Variants in ADGRL3 observed in about 807,000 individuals in gnomAD.
The protein encoded by ADGRL3 is adhesion G protein-coupled receptor L3, also known as calcium-independent alpha-latrotoxin receptor 3.
A neutral mutation model predicts 153.5 loss-of-function variants in ADGRL3; 62 were observed. That is an observed-to-expected ratio of 0.40 (90% CI 0.33 to 0.50). ADGRL3 has a LOEUF of 0.50. Among genes scored for constraint, ADGRL3 ranks in the 20% least tolerant of loss-of-function variants. ADGRL3 has a pLI of 0.47. For missense variants in ADGRL3, 1,641 were observed against 1,859.4 expected, an observed-to-expected ratio of 0.88 and a Z score of 2.16; for synonymous variants, 710 against 672.5, an observed-to-expected ratio of 1.06 and a Z score of -0.86.
intron 1 of ADGRL3, among the ~76,000 whole-genome samples, chr4:61,363,159 A>G (rs1460582968): frequency 2.0e-5 from 3 of 152,182 alleles, no homozygotes; most frequent in Non-Finnish European, 4.4e-5. Flanking sequence ...CTATTTAAGC[A>G]ATATCTTAGA....
chr4:61,776,939 T>G (rs527625525), intron 8 of ADGRL3, among the ~76,000 whole-genome samples: 1 of 152,212 alleles, frequency 6.6e-6, no homozygotes, highest in African/African-American at 2.4e-5. Context: ...TAAACATATA[T>G]AATGATCTGA....
intron 1 of ADGRL3, among the ~76,000 whole-genome samples, chr4:61,365,881 A>C (rs2096386020): frequency 6.6e-6 from 1 of 152,250 alleles, no homozygotes; most frequent in Non-Finnish European, 1.5e-5. Flanking sequence ...CACATGATGA[A>C]TATAAATTGA....
intron 8 of ADGRL3, among the ~76,000 whole-genome samples, chr4:61,804,957 TTA>T (rs1203386566): frequency 6.9e-6 from 1 of 145,350 alleles, no homozygotes; most frequent in African/African-American, 2.6e-5. Flanking sequence ...TTATTTTTAT[TTA>T]TTTATTTTTT....
intron 2 of ADGRL3, among the ~76,000 whole-genome samples, chr4:61,417,356 C>T (rs767844740): frequency 2.4e-4 from 36 of 151,902 alleles, no homozygotes; most frequent in Admixed American, 5.2e-4. Context: ...CATGGTGGTG[C>T]GTATCTGTGG....
At chr4:61,688,746 T>G (rs2095490200) in intron 6 of ADGRL3, among the ~76,000 whole-genome samples, 1 of 152,128 alleles carries the variant, frequency 6.6e-6, no homozygotes, top group Admixed American at 6.6e-5. Flanking sequence ...TGACTATTTG[T>G]ATAATTTCAC....
At chr4:61,562,505 TG>T (rs1225770628) in intron 4 of ADGRL3, among the ~76,000 whole-genome samples, 2 of 152,226 alleles carry the variant, frequency 1.3e-5, no homozygotes, top group African/African-American at 4.8e-5. Flanking sequence ...ACTAAGTTTA[TG>T]CAATGTTCTA....
At chr4:61,542,835 A>T (rs551539211) in intron 4 of ADGRL3, among the ~76,000 whole-genome samples, 1 of 152,228 alleles carries the variant, frequency 6.6e-6, no homozygotes, top group South Asian at 2.1e-4. Context: ...TTAATCCTAC[A>T]TTCTTTGCTA....
intron 17 of ADGRL3, among the ~76,000 whole-genome samples, chr4:61,962,058 G>A (rs933536934): frequency 1.3e-5 from 2 of 152,036 alleles, no homozygotes; most frequent in African/African-American, 4.8e-5. Flanking sequence ...GGGCAACACA[G>A]TGAAACCCCG....
At chr4:61,280,102 CTTTTCTTTTTCT>C (rs1360969998) in intron 1 of ADGRL3, among the ~76,000 whole-genome samples, 2 of 111,796 alleles carry the variant, frequency 1.8e-5, no homozygotes, top group South Asian at 6.5e-4. Flanking sequence ...CTTTTCTTTT[CTTTTCTTTTTCT>C]TTTTTTTTTT....
chr4:61,232,058 C>T (rs1750880488), intron 1 of ADGRL3, among the ~76,000 whole-genome samples: 1 of 152,012 alleles, frequency 6.6e-6, no homozygotes, highest in South Asian at 2.1e-4. Context: ...GCCCCAGTCT[C>T]CTAGTCTGAA....
intron 21 of ADGRL3, among the ~76,000 whole-genome samples, chr4:62,024,083 A>G (rs1716895036): frequency 6.6e-6 from 1 of 152,194 alleles, no homozygotes; most frequent in Non-Finnish European, 1.5e-5. Flanking sequence ...ATTGAGTTAA[A>G]GAAACTTATA....
chr4:61,305,971 T>G (rs950831918), intron 1 of ADGRL3, among the ~76,000 whole-genome samples: 16 of 152,142 alleles, frequency 1.1e-4, no homozygotes, highest in Admixed American at 1.0e-3. Flanking sequence ...GGTGGGGGTG[T>G]CATTTAGCAG....
At chr4:62,017,650 C>T (rs371119130) in intron 21 of ADGRL3, among the ~76,000 whole-genome samples, 2 of 151,296 alleles carry the variant, frequency 1.3e-5, no homozygotes, top group African/African-American at 4.9e-5. Flanking sequence ...TTTTTTTGTC[C>T]TGGTAAAGAT....
chr4:61,637,043 A>T (rs575788933), intron 5 of ADGRL3, among the ~76,000 whole-genome samples: 8 of 152,158 alleles, frequency 5.3e-5, no homozygotes, highest in Admixed American at 2.0e-4. Flanking sequence ...TTAAAGGTAC[A>T]TATAACAATA....
chr4:61,479,354 G>A (rs1171424026), intron 2 of ADGRL3, among the ~76,000 whole-genome samples: 2 of 151,926 alleles, frequency 1.3e-5, no homozygotes, highest in Non-Finnish European at 2.9e-5. Context: ...CCCCATGCAA[G>A]GGCCATTCTC....
At chr4:61,295,528 C>A (rs147947659) in intron 1 of ADGRL3, among the ~76,000 whole-genome samples, 4 of 151,996 alleles carry the variant, frequency 2.6e-5, no homozygotes, top group African/African-American at 9.7e-5. Flanking sequence ...AAATATCAAA[C>A]AAGTATAAAA....
intron 2 of ADGRL3, among the ~76,000 whole-genome samples, chr4:61,389,427 T>C (rs1360674991): frequency 6.6e-6 from 1 of 152,106 alleles, no homozygotes; most frequent in Non-Finnish European, 1.5e-5. Context: ...TTATACACTT[T>C]TTATACAGTA....
chr4:61,645,611 T>G (rs1042165804), intron 5 of ADGRL3, among the ~76,000 whole-genome samples: 6 of 152,172 alleles, frequency 3.9e-5, no homozygotes, highest in African/African-American at 7.2e-5. Flanking sequence ...TTGAATATTG[T>G]CCCCCACTCT....
chr4:61,259,223 A>G (rs1022428999), intron 1 of ADGRL3, among the ~76,000 whole-genome samples: 5 of 152,070 alleles, frequency 3.3e-5, no homozygotes, highest in Admixed American at 2.6e-4. Flanking sequence ...GGAGATCGAG[A>G]CCATCCTGGC....
Sources: gnomAD v4.1 joint callset for allele counts (sites outside exome capture counted in the v4.1 genomes callset) on GRCh38, gnomAD v4.1.1 for gene constraint, MANE v1.5 for transcripts, NCBI Gene and HGNC (gene_info 2026-07-23, HGNC 2026-07-21) for gene names.